TANC2: variants seen among roughly 807,000 people sequenced by gnomAD.
TANC2 encodes the protein protein TANC2.
In TANC2, 26 loss-of-function variants were observed where a neutral mutation model predicts 210.5. The ratio of observed to expected loss-of-function variants is 0.12; its 90% confidence interval spans 0.09 to 0.17. The LOEUF is 0.17. Ranked by LOEUF, TANC2 falls within the 10% of genes least tolerant of loss-of-function variation. The pLI is 1.00. For missense variants in TANC2, 2,129 were observed against 2,608.9 expected, an observed-to-expected ratio of 0.82 and a Z score of 4.01; for synonymous variants, 931 against 967.1, an observed-to-expected ratio of 0.96 and a Z score of 0.69.
At chr17:63,080,475 A>G (rs1165592393) in intron 3 of TANC2, among the ~76,000 whole-genome samples, 1 of 152,210 alleles carries the variant, frequency 6.6e-6, no homozygotes, top group Admixed American at 6.5e-5. Context: ...ATGTCCACGA[A>G]ACCAGCTCAT....
At chr17:63,110,851 A>C (rs920031690) in intron 4 of TANC2, among the ~76,000 whole-genome samples, 2 of 152,224 alleles carry the variant, frequency 1.3e-5, no homozygotes, top group Non-Finnish European at 2.9e-5. Context: ...AGAGCAGGAT[A>C]TTGTTAAACA....
At chr17:63,338,806 G>A (rs1487387431) in intron 11 of TANC2, 1 of 152,170 alleles carries the variant, frequency 6.6e-6, no homozygotes, top group African/African-American at 2.4e-5. Flanking sequence ...AACATTTCCT[G>A]TATTGTTTGG....
intron 1 of TANC2, among the ~76,000 whole-genome samples, chr17:63,006,313 T>A (rs2033624801): frequency 6.6e-6 from 1 of 152,122 alleles, no homozygotes; most frequent in South Asian, 2.1e-4. Flanking sequence ...TCTTTGAGTT[T>A]TTATTTGCTG....
exon 28 of TANC2, chr17:63,425,950 AT>A (rs1253096275): frequency 6.6e-6 from 1 of 152,110 alleles, no homozygotes; most frequent in Non-Finnish European, 1.5e-5. Context: ...AGAGAGAGTT[AT>A]TTTTCTACTG....
At chr17:63,123,058 A>C (rs921176188) in intron 4 of TANC2, among the ~76,000 whole-genome samples, 1 of 152,242 alleles carries the variant, frequency 6.6e-6, no homozygotes, top group Non-Finnish European at 1.5e-5. Context: ...AGCCATGGAA[A>C]ATGTATAAAG....
intron 5 of TANC2, among the ~76,000 whole-genome samples, chr17:63,160,147 T>C (rs1044701166): frequency 7.9e-5 from 12 of 152,244 alleles, no homozygotes; most frequent in African/African-American, 2.9e-4. Context: ...CATTTAACAT[T>C]AATTACTTTC....
At chr17:63,397,397 T>C (rs1439676127) in intron 18 of TANC2, among the ~76,000 whole-genome samples, 1 of 152,252 alleles carries the variant, frequency 6.6e-6, no homozygotes, top group African/African-American at 2.4e-5. Flanking sequence ...AAACTGTGGT[T>C]GTAACTTATA....
intron 7 of TANC2, among the ~76,000 whole-genome samples, chr17:63,221,203 C>T (rs544130146): frequency 4.6e-5 from 7 of 151,614 alleles, no homozygotes; most frequent in South Asian, 2.1e-4. Flanking sequence ...TTTGGGAGGC[C>T]GAGGCAGGCA....
intron 1 of TANC2, among the ~76,000 whole-genome samples, chr17:62,986,293 A>G (rs746539061): frequency 9.2e-5 from 14 of 152,040 alleles, no homozygotes; most frequent in Non-Finnish European, 1.9e-4. Flanking sequence ...GAAGCCGGGG[A>G]CATTACTCTG....
intron 14 of TANC2, among the ~76,000 whole-genome samples, chr17:63,361,234 T>C (rs2046948984): frequency 1.3e-5 from 2 of 152,226 alleles, no homozygotes; most frequent in African/African-American, 4.8e-5. Flanking sequence ...CAGAAACCTC[T>C]GTGGCTGACA....
intron 4 of TANC2, chr17:63,120,874 G>T (rs192267124): frequency 7.4e-5 from 11 of 149,630 alleles, no homozygotes; most frequent in African/African-American, 2.7e-4. Flanking sequence ...CATACAACTG[G>T]GTAAAATCTT....
chr17:63,353,820 C>A (rs1040861263), intron 13 of TANC2, among the ~76,000 whole-genome samples: 11 of 151,934 alleles, frequency 7.2e-5, no homozygotes, highest in African/African-American at 2.4e-4. Flanking sequence ...TCAAATATTG[C>A]CGAGAGGTTG....
intron 7 of TANC2, among the ~76,000 whole-genome samples, chr17:63,212,737 T>C (rs747970910): frequency 1.3e-5 from 2 of 152,230 alleles, no homozygotes; most frequent in Admixed American, 6.5e-5. Context: ...CGACCCTCTT[T>C]GCTTTTAAAA....
chr17:63,242,894 A>G (rs577440707), intron 8 of TANC2, among the ~76,000 whole-genome samples: 4 of 152,304 alleles, frequency 2.6e-5, no homozygotes, highest in African/African-American at 7.2e-5. Context: ...AATATATGCT[A>G]TATGATTCCA....
At chr17:63,025,477 T>C (rs2034510435) in intron 2 of TANC2, among the ~76,000 whole-genome samples, 1 of 152,004 alleles carries the variant, frequency 6.6e-6, no homozygotes, top group Non-Finnish European at 1.5e-5. Context: ...ATTTCAGCAA[T>C]GAGGTGCCAA....
chr17:62,976,340 C>T (rs8070868), intron 1 of TANC2, among the ~76,000 whole-genome samples: 6 of 151,998 alleles, frequency 3.9e-5, no homozygotes, highest in African/African-American at 1.2e-4. Flanking sequence ...GAACTTTGCT[C>T]CTTACACCCC....
chr17:63,350,988 A>C (rs912892906), intron 12 of TANC2, among the ~76,000 whole-genome samples: 1 of 152,232 alleles, frequency 6.6e-6, no homozygotes, highest in East Asian at 1.9e-4. Flanking sequence ...CTGTCTCACA[A>C]CTATTAATAT....
At chr17:63,372,990 G>C (rs897027111) in intron 14 of TANC2, among the ~76,000 whole-genome samples, 1 of 149,286 alleles carries the variant, frequency 6.7e-6, no homozygotes, top group African/African-American at 2.5e-5. Flanking sequence ...AACCTCCCAG[G>C]CTCAAGTGAT....
chr17:63,398,938 C>T (rs1218962741), intron 19 of TANC2, 24 bp downstream of exon 19: 1 of 1,525,596 alleles, frequency 6.6e-7, no homozygotes, highest in Non-Finnish European at 8.9e-7. Context: ...ACGTTGCCCT[C>T]AAGAATGTGT....
Sources: allele counts gnomAD v4.1 joint callset (sites outside exome capture counted in the v4.1 genomes callset), GRCh38; gene constraint gnomAD v4.1.1; transcripts MANE v1.5; gene names NCBI Gene and HGNC (gene_info 2026-07-23, HGNC 2026-07-21).